MYO9B: variants seen among roughly 807,000 people sequenced by gnomAD.
MYO9B encodes the protein unconventional myosin-IXb.
Under a neutral mutation model 229.5 loss-of-function variants are expected in MYO9B, and 71 were observed. That is an observed-to-expected ratio of 0.31 (90% CI 0.26 to 0.38). The LOEUF is 0.38. Among genes scored for constraint, MYO9B ranks in the 10% least tolerant of loss-of-function variants. MYO9B has a pLI of 1.00. For synonymous variants in MYO9B, 1,185 were observed against 1,235.8 expected (o/e 0.96, Z 0.86); for missense variants, 2,255 against 2,920.5 (o/e 0.77, Z 5.25).
intron 2 of MYO9B, among the ~76,000 whole-genome samples, chr19:17,120,090 A>G (rs1450470798): frequency 6.6e-6 from 1 of 151,642 alleles, no homozygotes; most frequent in Non-Finnish European, 1.5e-5. Flanking sequence ...CAGGCCCATG[A>G]TATGTCAAAG....
intron 20 of MYO9B, among the ~76,000 whole-genome samples, 173 bp from the exon 21 acceptor site, chr19:17,192,573 C>T (rs1320609499): frequency 1.3e-5 from 2 of 151,110 alleles, no homozygotes; most frequent in South Asian, 2.1e-4. Context: ...CCAGCCTGGG[C>T]GACAGAGTGA....
intron 2 of MYO9B, among the ~76,000 whole-genome samples, chr19:17,137,804 C>T (rs551899897): frequency 1.3e-5 from 2 of 151,762 alleles, no homozygotes; most frequent in Admixed American, 6.6e-5. Context: ...AGTGCAGGGG[C>T]GCAAATGCAG....
Position 17,088,487 on chromosome 19 carries a change from C to G in MYO9B, c.-59+12613C>G, listed in dbSNP as rs569753947. ...CTGCGGACGCTGTTTCTTGGCCCTG[C>G]TGGCTCCCCCAGCTGCTCCCCGAGG... On this transcript the variant is annotated intron_variant, in intron 1 of 39. Coordinates refer to ENST00000682292, the MANE Select transcript of MYO9B (RefSeq NM_004145.4). 6.6e-5 allele frequency among the ~76,000 whole-genome samples: 10 copies of G among 152,304 alleles called. No homozygotes were observed. In the East Asian group the frequency reaches 1.5e-3, roughly 24 times the overall value.
intron 2 of MYO9B, among the ~76,000 whole-genome samples, chr19:17,125,716 C>G (rs537808848): frequency 2.0e-5 from 3 of 152,280 alleles, no homozygotes; most frequent in South Asian, 2.1e-4. Context: ...GCGTTGGGAG[C>G]ACTCAGCTCT....
intron 26 of MYO9B, among the ~76,000 whole-genome samples, chr19:17,201,585 G>T (rs1177363898): frequency 1.3e-5 from 2 of 152,128 alleles, no homozygotes; most frequent in Non-Finnish European, 2.9e-5. Context: ...GGGGGATTCT[G>T]TCCGCCAGGG....
intron 22 of MYO9B, among the ~76,000 whole-genome samples, chr19:17,196,654 G>T (rs2073046350): frequency 6.6e-6 from 1 of 150,976 alleles, no homozygotes; most frequent in South Asian, 2.1e-4. Flanking sequence ...CTGCACTCCA[G>T]CCTGGATGAC....
Position 17,212,057 on chromosome 19 carries a change from C to CTGCCTGCT in MYO9B, c.6221_6222insTGCCTGCT (p.Gly2075AlafsTer3). 1 of 1,604,112 alleles carries CTGCCTGCT rather than the reference C, an allele frequency of 6.2e-7. No individual in the cohort carries two copies. ...CCCACGGCCAACATCAAGCTCCCAC[C>CTGCCTGCT]AGGCCTGCCCTCCCACCTGCCTCGC... On this transcript the variant is annotated frameshift_variant, in exon 40 of 40. Coordinates refer to ENST00000682292, the MANE Select transcript of MYO9B (RefSeq NM_004145.4). LOFTEE classifies it low-confidence loss of function (END_TRUNC). The surrounding 1 kb of genome is among the most constrained non-coding windows in gnomAD (Gnocchi z 5.4).
At chr19:17,177,622 C>T (rs912949174) in intron 14 of MYO9B, 4 of 152,108 alleles carry the variant, frequency 2.6e-5, no homozygotes, top group Admixed American at 1.3e-4. Context: ...GGACTACAGG[C>T]ATGAGCCACC....
chr19:17,148,497 C>G (rs1408810330), intron 3 of MYO9B, among the ~76,000 whole-genome samples: 1 of 152,180 alleles, frequency 6.6e-6, no homozygotes, highest in African/African-American at 2.4e-5. Context: ...TGGCTACCTC[C>G]TCCAGCTTCT....
At chr19:17,135,208 A>G (rs1410628392) in intron 2 of MYO9B, among the ~76,000 whole-genome samples, 1 of 152,166 alleles carries the variant, frequency 6.6e-6, no homozygotes, top group Admixed American at 6.5e-5. Context: ...CTAGTGAGAT[A>G]ATAATTTTTT....
intron 2 of MYO9B, among the ~76,000 whole-genome samples, chr19:17,107,645 C>CT (rs1381973568): frequency 6.6e-5 from 10 of 152,214 alleles, no homozygotes; most frequent in Admixed American, 6.5e-4. Flanking sequence ...CTTCAGGCCT[C>CT]TTCAGCTTCT....
At chr19:17,093,835 G>T (rs2057662552) in intron 1 of MYO9B, among the ~76,000 whole-genome samples, 1 of 151,414 alleles carries the variant, frequency 6.6e-6, no homozygotes, top group Non-Finnish European at 1.5e-5. Context: ...TGGGACTAAA[G>T]GTGTGTGCCA....
chr19:17,162,680 A>G (rs1599382030), intron 9 of MYO9B, among the ~76,000 whole-genome samples: 2 of 151,602 alleles, frequency 1.3e-5, no homozygotes, highest in East Asian at 3.9e-4. Context: ...TTCAAAAACG[A>G]CAGATTCTGG....
At chr19:17,124,268 G>C (rs2057993342) in intron 2 of MYO9B, among the ~76,000 whole-genome samples, 1 of 152,110 alleles carries the variant, frequency 6.6e-6, no homozygotes, top group Admixed American at 6.6e-5. Flanking sequence ...TGAGGTAGGA[G>C]GATCACTTGA....
Position 17,210,787 on chromosome 19 carries a change from G to T in MYO9B, c.5869G>T (p.Gly1957Cys), listed in dbSNP as rs199522818. ...EVLLEEEAAGGDEDREKEILI... is the reference protein window; with the variant it reads ...EVLLEEEAAGCDEDREKEILI... ...GCTGCTGGAGGAGGAGGCAGCCGGC[G>T]GCGATGAGGACCGGGAAAAGGAGAT... Residue 1957 changes from glycine (G) to cysteine (C), a missense_variant, in exon 38 of 40, where the codon GGC becomes TGC. By Grantham distance (159) the Gly-to-Cys change is radical. Around this residue, in one of 7 missense-constraint regions of MYO9B, gnomAD observed 331 missense variants for 332.5 expected, o/e 1.00. Coordinates refer to ENST00000682292, the MANE Select transcript of MYO9B (RefSeq NM_004145.4). 14 of 1,588,240 alleles carry T rather than the reference G, an allele frequency of 8.8e-6. No individual in the cohort carries two copies. The South Asian group carries it at 1.5e-4, about 17-fold the overall frequency.
intron 2 of MYO9B, 132 bp from the exon 3 acceptor site, chr19:17,145,265 G>A: frequency 1.2e-6 from 1 of 858,696 alleles, no homozygotes. Flanking sequence ...GACAGAACAA[G>A]ACTGTCTCCA....
intron 3 of MYO9B, among the ~76,000 whole-genome samples, chr19:17,147,501 G>T (rs1375069933): frequency 7.2e-6 from 1 of 138,086 alleles, no homozygotes; most frequent in Non-Finnish European, 1.5e-5. Context: ...CCAAGATCAG[G>T]CCACTGCACT....
At chr19:17,203,911 G>A (rs574041341) in intron 30 of MYO9B, among the ~76,000 whole-genome samples, 89 of 152,192 alleles carry the variant, frequency 5.8e-4, no homozygotes, top group South Asian at 2.7e-3. Flanking sequence ...TCAGCCCCAG[G>A]GGACCCTAAG....
At chr19:17,197,595 A>C (rs1278473187) in intron 22 of MYO9B, among the ~76,000 whole-genome samples, 197 bp from the exon 23 acceptor site, 1 of 151,940 alleles carries the variant, frequency 6.6e-6, no homozygotes, top group Non-Finnish European at 1.5e-5. Flanking sequence ...CCTGCCCTCC[A>C]CTCACCAGAG....
Sources: allele counts gnomAD v4.1 joint callset (sites outside exome capture counted in the v4.1 genomes callset), GRCh38; gene constraint gnomAD v4.1.1; regional missense constraint gnomAD v4.1.1; non-coding constraint Gnocchi (gnomAD v3.1); transcripts MANE v1.5; gene names NCBI Gene and HGNC (gene_info 2026-07-23, HGNC 2026-07-21).